Variants in TTLL1 observed in about 807,000 individuals in gnomAD.
The protein encoded by TTLL1 is polyglutamylase complex subunit TTLL1.
In TTLL1, 33 loss-of-function variants were observed where a neutral mutation model predicts 47.8. The observed-to-expected ratio is 0.69, with a 90% CI of 0.52 to 0.92. The LOEUF (loss-of-function observed/expected upper bound fraction) is 0.92, where lower values mean the gene tolerates loss of function less well. Ranked by LOEUF, TTLL1 falls within the 40% of genes least tolerant of loss-of-function variation. TTLL1 has a pLI of 0.00. For missense variants in TTLL1, 488 were observed against 547.5 expected, an observed-to-expected ratio of 0.89 and a Z score of 1.08; for synonymous variants, 225 against 214.1, an observed-to-expected ratio of 1.05 and a Z score of -0.45.
At chr22:43,047,021 A>AGGAAACTG (rs1926197410) in intron 9 of TTLL1, among the ~76,000 whole-genome samples, 2 of 152,200 alleles carry the variant, frequency 1.3e-5, no homozygotes, top group African/African-American at 4.8e-5. Flanking sequence ...CACCTTGGAT[A>AGGAAACTG]GGAAACTCTT....
At chr22:43,085,557 C>T (rs756049918) in intron 1 of TTLL1, among the ~76,000 whole-genome samples, 8 of 152,182 alleles carry the variant, frequency 5.3e-5, no homozygotes, top group African/African-American at 1.9e-4. Context: ...AGTTCCCCTG[C>T]ACAAGCTCTC....
chr22:43,052,043 T>G, intron 8 of TTLL1, 156 bp from the exon 9 acceptor site: 1 of 660,302 alleles, frequency 1.5e-6, no homozygotes, highest in East Asian at 2.7e-5. Flanking sequence ...CCTCTCCCTC[T>G]TCCTCCCGCA....
chr22:43,088,455 G>A (rs2146999919), intron 1 of TTLL1, among the ~76,000 whole-genome samples: 1 of 145,374 alleles, frequency 6.9e-6, no homozygotes, highest in South Asian at 2.3e-4. Flanking sequence ...TCCTGCCTCA[G>A]CCTCCCGAGT....
intron 1 of TTLL1, among the ~76,000 whole-genome samples, chr22:43,085,882 G>A (rs887690264): frequency 6.6e-6 from 1 of 152,196 alleles, no homozygotes; most frequent in Admixed American, 6.6e-5. Flanking sequence ...GGGCAGCAGA[G>A]TGGGCTGGCT....
In TTLL1 at chr22:43,041,531, C is replaced by CTTT. The variant is rs1255980785; in HGVS notation, c.1143-1627_1143-1626insAAA. Reference sequence around the variant, plus strand: ...GGTGGGAAGAAAGCATTTTCTGATTCCTTTTTTTTTTTTTAAACGGTCACC... The same window carrying CTTT: ...GGTGGGAAGAAAGCATTTTCTGATTCTTTCTTTTTTTTTTTTTAAACGGTCACC... On this transcript the variant is annotated intron_variant, in intron 10 of 10. Transcript: ENST00000266254. Among the ~76,000 whole-genome samples the CTTT allele has an allele frequency of 2.8e-4, 20 of 70,874 alleles. No homozygotes were observed. In the East Asian group the frequency reaches 0.017, roughly 60 times the overall value. 46.5% of individuals were successfully genotyped at this position (70,874 alleles called of 152,430 possible). A position where few individuals can be genotyped will look rare whatever the true frequency, so the allele number is the denominator to read the frequency against.
At chr22:43,042,798 C>T (rs1460724309) in intron 10 of TTLL1, among the ~76,000 whole-genome samples, 2 of 152,144 alleles carry the variant, frequency 1.3e-5, no homozygotes, top group South Asian at 2.1e-4. Context: ...TGACTAGAAG[C>T]GTTTAGAGGC....
intron 1 of TTLL1, among the ~76,000 whole-genome samples, chr22:43,082,067 G>C (rs1316127196): frequency 1.3e-5 from 2 of 151,350 alleles, no homozygotes; most frequent in East Asian, 3.9e-4. Context: ...TACCAGGCTA[G>C]TCTCAAACTC....
chr22:43,072,315 G>A (rs765370583), intron 3 of TTLL1, among the ~76,000 whole-genome samples: 22 of 151,858 alleles, frequency 1.4e-4, no homozygotes, highest in East Asian at 3.9e-4. Context: ...CACCACGCCC[G>A]GATAATTTTT....
intron 1 of TTLL1, among the ~76,000 whole-genome samples, chr22:43,086,581 G>C (rs919225011): frequency 3.3e-5 from 5 of 152,140 alleles, no homozygotes; most frequent in African/African-American, 1.2e-4. Flanking sequence ...ATGGGGGCGA[G>C]GAGCACAGGA....
intron 9 of TTLL1, among the ~76,000 whole-genome samples, chr22:43,047,491 C>CA (rs1218753543): frequency 6.6e-6 from 1 of 152,078 alleles, no homozygotes; most frequent in African/African-American, 2.4e-5. Flanking sequence ...TTTTTTGAGA[C>CA]AGAGTCTTGC....
At chr22:43,071,849 T>C (rs1384205329) in intron 3 of TTLL1, among the ~76,000 whole-genome samples, 2 of 152,234 alleles carry the variant, frequency 1.3e-5, no homozygotes, top group East Asian at 3.8e-4. Flanking sequence ...GAAGGCTTTC[T>C]TCATGTCTAA....
At chr22:43,049,601 C>CA (rs34707208) in intron 9 of TTLL1, among the ~76,000 whole-genome samples, 13,342 of 105,354 alleles carry the variant, frequency 0.13, 1,279 homozygotes, top group East Asian at 0.35. Flanking sequence ...CCCATCTCCA[C>CA]AAAAAAAAAA....
chr22:43,086,237 C>G (rs1477160286), intron 1 of TTLL1, among the ~76,000 whole-genome samples: 2 of 152,170 alleles, frequency 1.3e-5, no homozygotes, highest in African/African-American at 2.4e-5. Flanking sequence ...CTAAACTGAG[C>G]ATCATAAAAA....
Position 43,051,827 on chromosome 22 carries a change from C to T in TTLL1, c.952G>A (p.Asp318Asn), listed in dbSNP as rs570543392. The change falls in exon 9 of 11, where the codon GAC becomes AAC. Residue 318 changes from aspartate to asparagine, a missense_variant. Coordinates refer to ENST00000266254, the MANE Select transcript of TTLL1 (RefSeq NM_012263.5). The part of the protein sequence containing the change: ...ECYGYDIIID[D>N]KLKPWLIEVN... ...TCGATCAGCCAGGGCTTCAGCTTGT[C>T]GTCGATGATGATGTCGTAGCCATAG... 1.9e-5 allele frequency: 31 copies of T among 1,614,026 alleles called. No homozygotes were observed. The Middle Eastern group carries it at 6.6e-4, about 34-fold the overall frequency.
At chr22:43,068,846 G>A (rs1268238793) in intron 4 of TTLL1, among the ~76,000 whole-genome samples, 1 of 152,166 alleles carries the variant, frequency 6.6e-6, no homozygotes, top group Non-Finnish European at 1.5e-5. Flanking sequence ...TGTAAACCCT[G>A]TAATAATTCC....
intron 2 of TTLL1, among the ~76,000 whole-genome samples, chr22:43,076,621 T>C (rs574411769): frequency 6.8e-6 from 1 of 146,722 alleles, no homozygotes; most frequent in Non-Finnish European, 1.5e-5. Context: ...CATGGTGGCA[T>C]GCGCCTGTAA....
At chr22:43,069,220 C>CAAAAAAAAA (rs66913313) in intron 4 of TTLL1, among the ~76,000 whole-genome samples, 406 of 77,346 alleles carry the variant, frequency 5.2e-3, no homozygotes, top group Non-Finnish European at 7.4e-3. Context: ...ACTAAAAATA[C>CAAAAAAAAA]AAAAAAAAAA....
At chr22:43,074,137 A>G (rs558713717) in intron 3 of TTLL1, among the ~76,000 whole-genome samples, 119 of 151,612 alleles carry the variant, frequency 7.8e-4, no homozygotes, top group African/African-American at 2.8e-3. Context: ...CAAAATATCA[A>G]TTAGCTTGGC....
intron 3 of TTLL1, among the ~76,000 whole-genome samples, chr22:43,072,430 A>C (rs915056082): frequency 6.6e-6 from 1 of 152,004 alleles, no homozygotes; most frequent in African/African-American, 2.4e-5. Context: ...CTGGGATTAC[A>C]GGCGTGAGCC....
Sources: gnomAD v4.1 joint callset for allele counts (sites outside exome capture counted in the v4.1 genomes callset) on GRCh38, gnomAD v4.1.1 for gene constraint, MANE v1.5 for transcripts, NCBI Gene and HGNC (gene_info 2026-07-23, HGNC 2026-07-21) for gene names.